The following MMD2 variants were observed in gnomAD, a reference collection of about 807,000 sequenced individuals.
MMD2 encodes monocyte to macrophage differentiation factor 2.
A neutral mutation model predicts 33.5 loss-of-function variants in MMD2; 30 were observed. The ratio of observed to expected loss-of-function variants is 0.90; its 90% CI spans 0.67 to 1.22. MMD2 has a LOEUF of 1.22. MMD2 is among the 50% of genes most tolerant of loss of function. MMD2 has a pLI of 0.00. For missense variants in MMD2, 364 were observed against 325.4 expected, an observed-to-expected ratio of 1.12 and a Z score of -0.91; for synonymous variants, 129 against 123.0, an observed-to-expected ratio of 1.05 and a Z score of -0.32.
intron 3 of MMD2, among the ~76,000 whole-genome samples, chr7:4,918,626 G>C (rs2115101061): frequency 6.6e-6 from 1 of 151,808 alleles, no homozygotes; most frequent in East Asian, 1.9e-4. Context: ...TGGGATTACA[G>C]GTGTGTGCCA....
At chr7:4,934,919 C>A (rs1467390251) in intron 1 of MMD2, among the ~76,000 whole-genome samples, 1 of 152,210 alleles carries the variant, frequency 6.6e-6, no homozygotes, top group Non-Finnish European at 1.5e-5. Flanking sequence ...AGCGGGGTGG[C>A]TCACGCCTGT....
intron 2 of MMD2, among the ~76,000 whole-genome samples, chr7:4,922,324 C>A (rs988858061): frequency 9.2e-5 from 14 of 152,018 alleles, no homozygotes; most frequent in African/African-American, 3.1e-4. Flanking sequence ...AATCCCAGCA[C>A]TTTGGGAGGC....
rs1015197516 is a variant in MMD2 at position 4,957,129 on chromosome 7, G to A, written c.47+1842C>T. Reference sequence around the variant, plus strand: ...TGCAGTGAGCTGAGATCACGCCACCGCACTCCAGAGTCGGCAACAGAGTGA... The same window carrying A: ...TGCAGTGAGCTGAGATCACGCCACCACACTCCAGAGTCGGCAACAGAGTGA... On this transcript the variant is annotated intron_variant, in intron 1 of 6. Transcript: ENST00000401401. Among the ~76,000 whole-genome samples the A allele has an allele frequency of 2.7e-5, 4 of 150,288 alleles. No homozygotes were observed. In the South Asian group the frequency reaches 6.4e-4, roughly 24 times the overall value.
chr7:4,935,258 C>T (rs912300231), intron 1 of MMD2, among the ~76,000 whole-genome samples: 7 of 151,662 alleles, frequency 4.6e-5, no homozygotes, highest in South Asian at 2.1e-4. Flanking sequence ...GAGGGTGAGG[C>T]GAGAGGATCA....
At chr7:4,899,176 G>C in the MMD2 span, among the ~76,000 whole-genome samples, 1 of 152,094 alleles carries the variant, frequency 6.6e-6, no homozygotes, top group Non-Finnish European at 1.5e-5. Flanking sequence ...ACCAGACACT[G>C]AACTTGCCAG....
chr7:4,910,747 G>A (rs1025130338), intron 5 of MMD2, among the ~76,000 whole-genome samples: 9 of 152,272 alleles, frequency 5.9e-5, no homozygotes, highest in African/African-American at 2.2e-4. Flanking sequence ...TCCTGCCTCA[G>A]CCTCCCAAGT....
intron 1 of MMD2, among the ~76,000 whole-genome samples, chr7:4,933,465 A>G (rs961199813): frequency 3.9e-5 from 6 of 152,086 alleles, no homozygotes; most frequent in African/African-American, 1.5e-4. Flanking sequence ...CGACTCTTCC[A>G]TCCCTGTCTT....
intron 1 of MMD2, among the ~76,000 whole-genome samples, chr7:4,956,182 G>A (rs967911416): frequency 4.1e-4 from 62 of 152,188 alleles, no homozygotes; most frequent in African/African-American, 1.4e-3. Flanking sequence ...CAACACTTCA[G>A]GAGGCTGAGG....
intron 1 of MMD2, 63 bp downstream of exon 1, chr7:4,958,908 C>A: frequency 7.9e-7 from 1 of 1,266,808 alleles, no homozygotes; most frequent in Non-Finnish European, 1.0e-6. Flanking sequence ...AGGTGGCCTC[C>A]GCGGCCCCCG....
In MMD2 at chr7:4,945,184, C is replaced by CTTTCTTCTTCTTCTTCTTCTTCTT. The variant is rs1562493731; in HGVS notation, c.47+13763_47+13786dup. 8.8e-4 allele frequency among the ~76,000 whole-genome samples: 28 copies of CTTTCTTCTTCTTCTTCTTCTTCTT among 31,654 alleles called. 1 individual carries two copies. The highest frequency in any genetic ancestry group is 2.7e-3 in the African/African-American group (24 of 8,732). The allele number at this position is 31,654 out of a possible 152,430, so 20.8% of individuals were successfully genotyped here. A position where few individuals can be genotyped will look rare whatever the true frequency, so the allele number is the denominator to read the frequency against. On this transcript the variant is annotated intron_variant, in intron 1 of 6. Transcript: ENST00000401401. ...TTTCTTCCTTCTTCCTCCTCTTCCTCTTTCTTCTTCTTCTTCTTCTTCTTC... is the reference window on the plus strand; with the variant it reads ...TTTCTTCCTTCTTCCTCCTCTTCCTCTTTCTTCTTCTTCTTCTTCTTCTTTTTCTTCTTCTTCTTCTTCTTCTTC...
In MMD2 at chr7:4,907,270, C is replaced by A. The variant is rs899815349; in HGVS notation, c.*126G>T. 16 of 890,794 alleles carry A rather than the reference C, an allele frequency of 1.8e-5. No homozygotes were observed. Among genetic ancestry groups the A allele is most frequent in the Non-Finnish European group, 2.7e-5 (15 of 560,946 alleles). The allele number at this position is 890,794 out of a possible 1,614,324, so 55.2% of individuals were successfully genotyped here. On this transcript the variant is annotated 3_prime_UTR_variant, in exon 7 of 7. Coordinates refer to ENST00000401401, the MANE Select transcript of MMD2 (RefSeq NM_198403.4). ...ATGATCTGGCTGTCACCAGAAGTCA[C>A]CTTGGAGCCATCAAGAACTCTACCC... is the stretch of plus-strand genomic sequence containing the variant.
At chr7:4,958,932 C>T (rs991496613) in intron 1 of MMD2, 39 bp downstream of exon 1, 1 of 1,281,732 alleles carries the variant, frequency 7.8e-7, no homozygotes, top group Non-Finnish European at 9.9e-7. Flanking sequence ...CCGCGCGCCC[C>T]TCCCTCCCTC....
At chr7:4,923,642 T>A (rs1785342748) in intron 2 of MMD2, among the ~76,000 whole-genome samples, 1 of 152,096 alleles carries the variant, frequency 6.6e-6, no homozygotes. Context: ...TGTAGACTTG[T>A]GTCGATGAGT....
At chr7:4,941,323 G>A (rs1451875562) in intron 1 of MMD2, among the ~76,000 whole-genome samples, 7 of 152,166 alleles carry the variant, frequency 4.6e-5, no homozygotes, top group Non-Finnish European at 7.4e-5. Context: ...AAGTTTTCAG[G>A]CAATAGCAGA....
At chr7:4,936,080 G>T (rs533749940) in intron 1 of MMD2, among the ~76,000 whole-genome samples, 1 of 151,472 alleles carries the variant, frequency 6.6e-6, no homozygotes, top group South Asian at 2.1e-4. Flanking sequence ...AGCTACTCGG[G>T]AGGCTGAGGC....
Position 4,946,816 on chromosome 7 carries a change from C to T in MMD2, c.47+12155G>A, listed in dbSNP as rs377328021. Among the ~76,000 whole-genome samples, 31 of 152,202 alleles carry T rather than the reference C, an allele frequency of 2.0e-4. No individual in the cohort carries two copies. The highest frequency in any genetic ancestry group is 7.0e-4 in the African/African-American group (29 of 41,538). The stretch of plus-strand genomic sequence containing the variant: ...GTGCAATCATAGCTCACTGCAGCCT[C>T]GAATTCCTGGGCTCAACGGATCCTC... On this transcript the variant is annotated intron_variant, in intron 1 of 6. Coordinates refer to ENST00000401401, the MANE Select transcript of MMD2 (RefSeq NM_198403.4). This position sits in a 1 kb window ranked among gnomAD's most constrained non-coding sequence, Gnocchi z 5.0.
chr7:4,903,437 G>T (rs1784820954), downstream of MMD2, among the ~76,000 whole-genome samples: 1 of 151,806 alleles, frequency 6.6e-6, no homozygotes, highest in Non-Finnish European at 1.5e-5. Flanking sequence ...CCCTCGCGGA[G>T]CCTGAAGCTG....
intron 1 of MMD2, among the ~76,000 whole-genome samples, chr7:4,943,458 A>C (rs1785966963): frequency 6.6e-6 from 1 of 151,866 alleles, no homozygotes; most frequent in East Asian, 1.9e-4. Context: ...TGCCCTTTTC[A>C]ACTCACACCC....
intron 1 of MMD2, among the ~76,000 whole-genome samples, chr7:4,929,416 C>T (rs1195921180): frequency 6.6e-6 from 1 of 152,138 alleles, no homozygotes; most frequent in Admixed American, 6.5e-5. Context: ...AAGCCCCCCC[C>T]AGGAGCCCAG....
Sources: allele counts gnomAD v4.1 joint callset (sites outside exome capture counted in the v4.1 genomes callset), GRCh38; gene constraint gnomAD v4.1.1; non-coding constraint Gnocchi (gnomAD v3.1); transcripts MANE v1.5; gene names NCBI Gene and HGNC (gene_info 2026-07-23, HGNC 2026-07-21).